The following GTF2A1 variants were observed in gnomAD, a reference collection of about 807,000 sequenced individuals.
GTF2A1 encodes the protein general transcription factor IIA subunit 1, also known as transcription initiation factor IIA subunit 1.
Under a neutral mutation model 54.1 loss-of-function variants are expected in GTF2A1, and 12 were observed. The observed-to-expected ratio is 0.22, with a 90% CI of 0.14 to 0.36. The LOEUF (loss-of-function observed/expected upper bound fraction) is 0.36. Ranked by LOEUF, GTF2A1 falls within the 10% of genes least tolerant of loss-of-function variation. The pLI, the probability that GTF2A1 is intolerant of heterozygous loss-of-function variation, is 1.00. For missense variants in GTF2A1, 335 were observed against 442.2 expected, an observed-to-expected ratio of 0.76 and a Z score of 2.17; for synonymous variants, 145 against 152.0, an observed-to-expected ratio of 0.95 and a Z score of 0.34.
intron 7 of GTF2A1, among the ~76,000 whole-genome samples, chr14:81,187,815 T>G (rs1451443217): frequency 2.6e-5 from 4 of 152,204 alleles, no homozygotes; most frequent in Admixed American, 1.3e-4. Context: ...TTGAAAAACA[T>G]GTTTTCAGTT....
Position 81,192,587 on chromosome 14 carries a change from C to T in GTF2A1, c.865G>A (p.Glu289Lys). The T allele has an allele frequency of 6.2e-7, 1 of 1,613,066 alleles. No individual in the cohort carries two copies. Among genetic ancestry groups the T allele is most frequent in the African/African-American group, 1.3e-5 (1 of 75,044 alleles). The change falls in exon 7 of 9, where the codon GAA becomes AAA. Residue 289 changes from glutamate to lysine, a missense_variant. By Grantham distance (56) the Glu-to-Lys change is moderately conservative. Transcript: ENST00000553612. ...TCCTCCTCATCATCATCATAGTCTT[C>T]TTCTTCATCTTCATCTTCTTCAGAT... The part of the protein sequence containing the change: ...TSSEEDEDEE[E>K]DYDDDEEEDK...
intron 6 of GTF2A1, among the ~76,000 whole-genome samples, chr14:81,194,121 G>A (rs1203377774): frequency 1.3e-5 from 2 of 152,218 alleles, no homozygotes; most frequent in East Asian, 3.8e-4. Context: ...CACAGCAGGA[G>A]GTGAGTGGTG....
intron 6 of GTF2A1, among the ~76,000 whole-genome samples, chr14:81,193,314 G>A (rs149204767): frequency 1.3e-4 from 19 of 151,804 alleles, no homozygotes; most frequent in African/African-American, 2.4e-4. Flanking sequence ...CTACAGGTGC[G>A]CGCCACCATG....
chr14:81,206,569 C>A (rs1259939139), intron 2 of GTF2A1, among the ~76,000 whole-genome samples: 2 of 152,192 alleles, frequency 1.3e-5, no homozygotes, highest in Non-Finnish European at 1.5e-5. Context: ...CCTCAAAATG[C>A]GGTTCTAGAC....
chr14:81,192,722 T>C lies in GTF2A1; in HGVS notation c.730A>G (p.Thr244Ala), dbSNP rs752292521. 2 of 1,614,034 alleles carry C rather than the reference T, an allele frequency of 1.2e-6. No homozygotes were observed. Among genetic ancestry groups the C allele is most frequent in the African/African-American group, 2.7e-5 (2 of 74,948 alleles). The change falls in exon 7 of 9, where the codon ACA (threonine) becomes GCA (alanine). Residue 244 changes from threonine to alanine, a missense_variant. This residue lies in a region of GTF2A1 where 306 missense variants were observed against 360.4 expected (regional missense o/e 0.85). Transcript: ENST00000553612. ...GCAGTTATCTGTGCTTGGGCTGGTG[T>C]AGGTGCTGCCACTGTCGTAGGTATA... is the stretch of plus-strand genomic sequence containing the variant. ...QVIPTTVAAP[T>A]PAQAQITATG...
intron 2 of GTF2A1, among the ~76,000 whole-genome samples, chr14:81,205,732 T>A (rs1893214443): frequency 1.3e-5 from 2 of 152,208 alleles, no homozygotes; most frequent in Non-Finnish European, 2.9e-5. Context: ...TAAACTCACT[T>A]CCAGTGAATA....
chr14:81,200,608 C>G (rs1893083845), intron 4 of GTF2A1, among the ~76,000 whole-genome samples: 1 of 141,664 alleles, frequency 7.1e-6, no homozygotes, highest in Non-Finnish European at 1.5e-5. Flanking sequence ...GCCTGGGTGA[C>G]AGGGTAAGAC....
rs1006866333 is a variant in GTF2A1 at position 81,203,842 on chromosome 14, T to C, written c.337+58A>G. 2.2e-5 allele frequency: 31 copies of C among 1,410,342 alleles called. No homozygotes were observed. The African/African-American group carries it at 4.1e-4, about 19-fold the overall frequency. 87.4% of individuals were successfully genotyped at this position (1,410,342 alleles called of 1,614,324 possible). On this transcript the variant is annotated intron_variant, in intron 3 of 8. Transcript: ENST00000553612. ...CAAAAAATGCAGAATATTTCTCTTC[T>C]TTCATAATGACAAACTTAATTTCCA...
intron 5 of GTF2A1, among the ~76,000 whole-genome samples, chr14:81,196,617 C>A (rs1180247318): frequency 6.6e-6 from 1 of 152,116 alleles, no homozygotes; most frequent in Non-Finnish European, 1.5e-5. Context: ...TTTAAAGGAA[C>A]AAAAGCTTAA....
At chr14:81,212,204 A>T (rs1893386901) in intron 2 of GTF2A1, among the ~76,000 whole-genome samples, 1 of 152,118 alleles carries the variant, frequency 6.6e-6, no homozygotes, top group Non-Finnish European at 1.5e-5. Flanking sequence ...TGTTTTATTA[A>T]AAAGAGAGAA....
Position 81,180,173 on chromosome 14 carries a change from T to A in GTF2A1, c.*50A>T. The A allele has an allele frequency of 1.2e-6, 1 of 810,304 alleles. No homozygotes were observed. Among genetic ancestry groups the A allele is most frequent in the Non-Finnish European group, 2.0e-6 (1 of 491,944 alleles). 50.2% of individuals were successfully genotyped at this position (810,304 alleles called of 1,614,324 possible). ...TGCCCCAAGTTTCAAACTGTCCGCT[T>A]TACATTTTTTTTAAGTTTCTTTTAT... On this transcript the variant is annotated 3_prime_UTR_variant, in exon 9 of 9. Coordinates refer to ENST00000553612, the MANE Select transcript of GTF2A1 (RefSeq NM_015859.4).
chr14:81,220,400 G>T, intron 1 of GTF2A1, 89 bp downstream of exon 1: 1 of 855,438 alleles, frequency 1.2e-6, no homozygotes, highest in Non-Finnish European at 1.7e-6. Flanking sequence ...AGTCGAGGCC[G>T]GGAGTCGCCG....
chr14:81,202,940 CTG>C (rs1011736781), intron 3 of GTF2A1: 10 of 374,882 alleles, frequency 2.7e-5, no homozygotes, highest in African/African-American at 6.4e-5. Flanking sequence ...TACTCTTCTA[CTG>C]TGTGTCATTA....
rs1892561588 is a variant in GTF2A1 at position 81,177,935 on chromosome 14, T to C, written c.*2288A>G. 1 of 152,130 alleles carries C rather than the reference T, an allele frequency of 6.6e-6. No homozygotes were observed. The highest frequency in any genetic ancestry group is 2.1e-4 in the South Asian group (1 of 4,832). The allele number at this position is 152,130 out of a possible 1,614,324, so 9.4% of individuals were successfully genotyped here. On this transcript the variant is annotated 3_prime_UTR_variant, in exon 9 of 9. Coordinates refer to ENST00000553612, the MANE Select transcript of GTF2A1 (RefSeq NM_015859.4). ...GTAGCTTGGACCAGCTTTCAGAATT[T>C]TCACAGGTAAAAGAAAAGCATTTGC...
chr14:81,185,502 C>T (rs377687879), intron 8 of GTF2A1, 29 bp downstream of exon 8: 91 of 1,157,236 alleles, frequency 7.9e-5, no homozygotes, highest in Middle Eastern at 5.8e-4. Context: ...ACACAAATAA[C>T]GTCAGTAATC....
Position 81,185,520 on chromosome 14 carries a change from G to A in GTF2A1, c.1023+11C>T, listed in dbSNP as rs759771075. 1 of 1,371,026 alleles carries A rather than the reference G, an allele frequency of 7.3e-7. No homozygotes were observed. The highest frequency in any genetic ancestry group is 1.0e-6 in the Non-Finnish European group (1 of 959,702). The allele number at this position is 1,371,026 out of a possible 1,614,324, so 84.9% of individuals were successfully genotyped here. On this transcript the variant is annotated intron_variant, in intron 8 of 8. Transcript: ENST00000553612. ...CAAATAACGTCAGTAATCTGAAGAT[G>A]ACATCCTTACCTTATCATATTGGCA...
intron 2 of GTF2A1, among the ~76,000 whole-genome samples, chr14:81,212,114 T>C (rs1343006565): frequency 2.0e-5 from 3 of 152,142 alleles, no homozygotes; most frequent in Non-Finnish European, 1.5e-5. Context: ...ATGTCAATAA[T>C]GCCAGTGTTG....
chr14:81,201,275 T>A, intron 4 of GTF2A1, among the ~76,000 whole-genome samples: 1 of 152,224 alleles, frequency 6.6e-6, no homozygotes, highest in East Asian at 1.9e-4. Flanking sequence ...TTGCAATTAC[T>A]AGGTCTCCTG....
chr14:81,220,139 G>C (rs1316412162), intron 1 of GTF2A1, among the ~76,000 whole-genome samples: 3 of 151,306 alleles, frequency 2.0e-5, no homozygotes, highest in Middle Eastern at 3.5e-3. Context: ...GGGCCCCTCG[G>C]GGGGAAGCGG....
Sources: gnomAD v4.1 joint callset for allele counts (sites outside exome capture counted in the v4.1 genomes callset) on GRCh38, gnomAD v4.1.1 for gene constraint, gnomAD v4.1.1 regional missense constraint, MANE v1.5 for transcripts, NCBI Gene and HGNC (gene_info 2026-07-23, HGNC 2026-07-21) for gene names.